Variants in SCLT1 observed in about 807,000 individuals in gnomAD.
The protein encoded by SCLT1 is sodium channel-associated protein 1.
Under a neutral mutation model 112.8 loss-of-function variants are expected in SCLT1, and 78 were observed. The observed-to-expected ratio is 0.69, with a 90% CI of 0.58 to 0.83. The LOEUF is 0.83. SCLT1 is among the 40% of genes least tolerant of loss of function. The pLI is 0.00. For synonymous variants in SCLT1, 257 were observed against 254.7 expected, an observed-to-expected ratio of 1.01 and a Z score of -0.09; for missense variants, 747 against 770.4, an observed-to-expected ratio of 0.97 and a Z score of 0.36.
In SCLT1 at chr4:128,943,031, T is replaced by A. The variant is rs144166835; in HGVS notation, c.1597A>T (p.Ile533Phe). The A allele has an allele frequency of 1.4e-5, 23 of 1,612,016 alleles. No homozygotes were observed. Among genetic ancestry groups the A allele is most frequent in the Non-Finnish European group, 1.7e-5 (20 of 1,179,144 alleles). Residue 533 changes from isoleucine (I) to phenylalanine (F), a missense_variant, in exon 17 of 21, where the codon ATT becomes TTT. By Grantham distance (21) the Ile-to-Phe change is conservative. Around this residue, in one of 2 missense-constraint regions of SCLT1, gnomAD observed 723 missense variants for 721.3 expected, o/e 1.00. Coordinates refer to ENST00000281142, the MANE Select transcript of SCLT1 (RefSeq NM_144643.4). ...LRKETESLRK[I>F]ALEAQKKAKV... ...GCTTTTTTTTGAGCCTCCAGGGCAA[T>A]CTTCCTTAAACTCTCAGTCTCTTTC... is the stretch of plus-strand genomic sequence containing the variant.
chr4:129,073,047 T>A (rs1390668779), intron 2 of SCLT1, among the ~76,000 whole-genome samples: 1 of 152,050 alleles, frequency 6.6e-6, no homozygotes, highest in Non-Finnish European at 1.5e-5. Context: ...TTCCTGAGAG[T>A]CTATCTGTAG....
chr4:128,896,391 G>A (rs1450051993), intron 18 of SCLT1, among the ~76,000 whole-genome samples: 1 of 152,138 alleles, frequency 6.6e-6, no homozygotes, highest in Non-Finnish European at 1.5e-5. Context: ...TGCAGCCTCT[G>A]CTGCTGATAC....
chr4:129,030,099 A>G (rs2126142198), intron 5 of SCLT1, among the ~76,000 whole-genome samples: 2 of 152,322 alleles, frequency 1.3e-5, no homozygotes, highest in South Asian at 2.1e-4. Context: ...AATGGAGTTC[A>G]TAACAAACAG....
chr4:128,990,863 A>T (rs550075373), intron 9 of SCLT1, among the ~76,000 whole-genome samples: 1 of 151,868 alleles, frequency 6.6e-6, no homozygotes, highest in African/African-American at 2.4e-5. Flanking sequence ...ATACTCAGGA[A>T]CAAAAAACCA....
intron 3 of SCLT1, among the ~76,000 whole-genome samples, chr4:128,877,318 A>ATCTGGGATTCAATCCCAGCCTG (rs1025369854): frequency 6.6e-5 from 10 of 152,078 alleles, no homozygotes; most frequent in Non-Finnish European, 1.3e-4. Flanking sequence ...GTAGGGGTAG[A>ATCTGGGATTCAATCCCAGCCTG]TCTGGGATTC....
chr4:129,088,082 G>A (rs530699028), intron 1 of SCLT1, among the ~76,000 whole-genome samples: 13 of 149,796 alleles, frequency 8.7e-5, no homozygotes, highest in South Asian at 2.1e-4. Flanking sequence ...GGAAGATCCC[G>A]TCCCAAAAAG....
At chr4:128,919,053 G>A (rs976492678) in intron 18 of SCLT1, among the ~76,000 whole-genome samples, 8 of 152,088 alleles carry the variant, frequency 5.3e-5, no homozygotes, top group African/African-American at 1.9e-4. Context: ...TTCAGGATCT[G>A]CACAGGACAT....
chr4:128,943,125 A>T lies in SCLT1; in HGVS notation c.1503T>A (p.Ser501=). The T allele has an allele frequency of 6.2e-7, 1 of 1,612,702 alleles. No homozygotes were observed. Among genetic ancestry groups the T allele is most frequent in the South Asian group, 1.1e-5 (1 of 91,008 alleles). Residue 501 remains serine, a synonymous_variant, in exon 17 of 21, where the codon TCT becomes TCA. Coordinates refer to ENST00000281142, the MANE Select transcript of SCLT1 (RefSeq NM_144643.4). ...MIQKLQNVLE[S]ERENCGLVSE... is the part of the protein sequence containing the mutation. Reference sequence around the variant, plus strand: ...TGACAAGCCCACAGTTCTCTCTCTCAGACTCCAATACATTTTGAAGTTTCT... The same window carrying T: ...TGACAAGCCCACAGTTCTCTCTCTCTGACTCCAATACATTTTGAAGTTTCT...
intron 5 of SCLT1, among the ~76,000 whole-genome samples, chr4:129,010,192 T>C (rs1744395833): frequency 6.6e-6 from 1 of 152,184 alleles, no homozygotes; most frequent in South Asian, 2.1e-4. Context: ...TCCCCATTGC[T>C]TGAGTTAGGT....
intron 6 of SCLT1, among the ~76,000 whole-genome samples, chr4:129,000,563 G>T (rs1223120376): frequency 6.6e-6 from 1 of 151,812 alleles, no homozygotes; most frequent in Non-Finnish European, 1.5e-5. Flanking sequence ...TCTCACAAAT[G>T]TACAGTGAAG....
At chr4:128,929,863 AT>A (rs1267971252) in intron 18 of SCLT1, among the ~76,000 whole-genome samples, 1 of 152,198 alleles carries the variant, frequency 6.6e-6, no homozygotes, top group African/African-American at 2.4e-5. Context: ...TTATAACAAA[AT>A]ACCATAAACT....
In SCLT1 at chr4:128,959,730, G is replaced by GT; in HGVS notation, c.916dup (p.Thr306AsnfsTer16). 6.2e-7 allele frequency: 1 copy of GT among 1,613,286 alleles called. No homozygotes were observed. Among genetic ancestry groups the GT allele is most frequent in the Non-Finnish European group, 8.5e-7 (1 of 1,179,564 alleles). ...CTCTCTGGTCTGTTTTTCCAGATGT[G>GT]TATTTTCGGTTCTTAATTGGTTGGC... On this transcript the variant is annotated frameshift_variant, in exon 12 of 21. Coordinates refer to ENST00000281142, the MANE Select transcript of SCLT1 (RefSeq NM_144643.4). LOFTEE classifies it high-confidence loss of function.
intron 12 of SCLT1, 105 bp from the exon 13 acceptor site, chr4:128,957,229 G>A: frequency 1.7e-6 from 1 of 598,486 alleles, no homozygotes; most frequent in Non-Finnish European, 2.9e-6. Context: ...AAACTTCTGG[G>A]ACATCTCTAC....
intron 2 of SCLT1, among the ~76,000 whole-genome samples, chr4:129,055,769 C>T (rs534786071): frequency 1.3e-5 from 2 of 151,930 alleles, no homozygotes; most frequent in African/African-American, 4.8e-5. Flanking sequence ...GCTCCCTTTC[C>T]AGGGGAGTGA....
intron 19 of SCLT1, among the ~76,000 whole-genome samples, chr4:128,890,302 T>C (rs1046024415): frequency 6.6e-6 from 1 of 152,144 alleles, no homozygotes; most frequent in Non-Finnish European, 1.5e-5. Context: ...AACATTACTG[T>C]ACTGAGTACC....
intron 5 of SCLT1, among the ~76,000 whole-genome samples, chr4:129,030,560 T>C (rs1346281329): frequency 6.6e-6 from 1 of 151,722 alleles, no homozygotes; most frequent in Non-Finnish European, 1.5e-5. Context: ...TAGACGGACC[T>C]CTAGCTCAAC....
intron 5 of SCLT1, among the ~76,000 whole-genome samples, chr4:129,031,526 CTGTT>C (rs1244850607): frequency 6.6e-6 from 1 of 152,098 alleles, no homozygotes; most frequent in Non-Finnish European, 1.5e-5. Context: ...CAAATTGTGT[CTGTT>C]TGACTGCAAC....
chr4:128,895,674 T>C (rs992880453), intron 18 of SCLT1, among the ~76,000 whole-genome samples: 1 of 151,886 alleles, frequency 6.6e-6, no homozygotes, highest in African/African-American at 2.4e-5. Flanking sequence ...CACTGGGGAG[T>C]GTCAGAAAGC....
chr4:129,075,473 C>T (rs994908475), intron 2 of SCLT1, among the ~76,000 whole-genome samples: 5 of 152,122 alleles, frequency 3.3e-5, no homozygotes, highest in Non-Finnish European at 7.4e-5. Context: ...GCAAAATCAT[C>T]CCTTCAAGGT....
Sources: allele counts gnomAD v4.1 joint callset (sites outside exome capture counted in the v4.1 genomes callset), GRCh38; gene constraint gnomAD v4.1.1; regional missense constraint gnomAD v4.1.1; transcripts MANE v1.5; gene names NCBI Gene and HGNC (gene_info 2026-07-23, HGNC 2026-07-21).